Variants in RORC observed in about 807,000 individuals in gnomAD.
RORC encodes RAR related orphan receptor C, also known as nuclear receptor ROR-gamma.
RORC carries 13 observed loss-of-function variants against 64.5 expected under a neutral mutation model. The ratio of observed to expected loss-of-function variants is 0.20; its 90% CI spans 0.13 to 0.32. RORC has a LOEUF of 0.32. Among genes scored for constraint, RORC ranks in the 10% least tolerant of loss-of-function variants. RORC has a pLI of 1.00. For synonymous variants in RORC, 277 were observed against 259.3 expected, an observed-to-expected ratio of 1.07 and a Z score of -0.65; for missense variants, 468 against 669.5, an observed-to-expected ratio of 0.70 and a Z score of 3.32.
rs200482554 is a variant in RORC at position 151,807,499 on chromosome 1, G to C, written c.1530C>G (p.Thr510=). The C allele has an allele frequency of 3.7e-6, 6 of 1,614,076 alleles. No individual in the cohort carries two copies. The highest frequency in any genetic ancestry group is 5.1e-6 in the Non-Finnish European group (6 of 1,180,022). ...ACTTGGACAGCCCCACAGGTGACTC[G>C]GTTTCAGTGCTGAAGAGCTCCTTGT... ...PLYKELFSTE[T]ESPVGLSK The change falls in exon 11 of 11, where the codon ACC becomes ACG. Residue 510 remains threonine (T), a synonymous_variant. Coordinates refer to ENST00000318247, the MANE Select transcript of RORC (RefSeq NM_005060.4). This position sits in a 1 kb window ranked among gnomAD's most constrained non-coding sequence, Gnocchi z 5.0.
intron 10 of RORC, 26 bp downstream of exon 10, chr1:151,811,299 T>C: frequency 6.6e-7 from 1 of 1,514,250 alleles, no homozygotes; most frequent in Non-Finnish European, 9.2e-7. Context: ...GGGCCTGGCC[T>C]CTTCTACCCC....
chr1:151,813,722 A>G, intron 6 of RORC, 102 bp from the exon 7 acceptor site: 1 of 1,320,278 alleles, frequency 7.6e-7, no homozygotes, highest in Middle Eastern at 2.2e-4. Flanking sequence ...GTAGGCTCTG[A>G]ACTCCTATGT....
chr1:151,831,335 G>A (rs1425923532), intron 1 of RORC, among the ~76,000 whole-genome samples: 1 of 152,168 alleles, frequency 6.6e-6, no homozygotes, highest in Non-Finnish European at 1.5e-5. Context: ...GTCCTGGCCA[G>A]ATCAAGGAAG....
rs1224498371 is a variant in RORC at position 151,812,705 on chromosome 1, C to G, written c.1285+242G>C. 1.0e-5 allele frequency: 4 copies of G among 389,808 alleles called. No homozygotes were observed. In the South Asian group the frequency reaches 1.3e-4, roughly 13 times the overall value. 24.1% of individuals were successfully genotyped at this position (389,808 alleles called of 1,614,324 possible). A position where few individuals can be genotyped will look rare whatever the true frequency, so the allele number is the denominator to read the frequency against. Reference sequence around the variant, plus strand: ...TTCTGTCAGGAAAGTGGCTCATTTCCTCTCAACCTCATTTCTCCCCACTTC... The same window carrying G: ...TTCTGTCAGGAAAGTGGCTCATTTCGTCTCAACCTCATTTCTCCCCACTTC... On this transcript the variant is annotated intron_variant, in intron 9 of 10. Coordinates refer to ENST00000318247, the MANE Select transcript of RORC (RefSeq NM_005060.4).
intron 2 of RORC, among the ~76,000 whole-genome samples, chr1:151,825,067 A>G (rs1296551276): frequency 6.6e-6 from 1 of 152,090 alleles, no homozygotes; most frequent in Non-Finnish European, 1.5e-5. Flanking sequence ...CACAACAAAT[A>G]CAGGGGACTT....
At chr1:151,819,218 G>A (rs1254133306) in intron 2 of RORC, among the ~76,000 whole-genome samples, 3 of 152,146 alleles carry the variant, frequency 2.0e-5, no homozygotes, top group African/African-American at 7.2e-5. Context: ...GAAAACGTTG[G>A]GGCCCCCATA....
At chr1:151,825,920 A>G in intron 2 of RORC, 1 of 1,613,760 alleles carries the variant, frequency 6.2e-7, no homozygotes, top group Non-Finnish European at 8.5e-7. Flanking sequence ...AGGTGGCCCC[A>G]TTCACTTACT....
At chr1:151,818,328 G>A (rs1441428270) in intron 2 of RORC, among the ~76,000 whole-genome samples, 10 of 152,132 alleles carry the variant, frequency 6.6e-5, no homozygotes, top group Non-Finnish European at 1.2e-4. Flanking sequence ...TTGCTCCTGC[G>A]TCCACACGTG....
chr1:151,829,101 C>T (rs145919302), intron 2 of RORC, among the ~76,000 whole-genome samples: 7 of 151,846 alleles, frequency 4.6e-5, no homozygotes, highest in Non-Finnish European at 7.4e-5. Flanking sequence ...CTTCCTTCCC[C>T]GGCCTGGCAG....
At position 151,831,188 on chromosome 1, in the gene RORC, C is replaced by T. The variant is rs72692783; in HGVS notation, c.40+537G>A. 0.13 allele frequency: 152,055 copies of T among 1,168,072 alleles called. 10,944 individuals carry two copies. The highest frequency in any genetic ancestry group is 0.26 in the Admixed American group (9,781 of 37,640). 72.4% of individuals were successfully genotyped at this position (1,168,072 alleles called of 1,614,324 possible). ...GAGTGGCGAGGAAAGGACCAGGCTA[C>T]GTGGTCATGGGCAGCTGACAGGGTG... On this transcript the variant is annotated intron_variant, in intron 1 of 10. Coordinates refer to ENST00000318247, the MANE Select transcript of RORC (RefSeq NM_005060.4).
At chr1:151,822,669 G>A (rs1337869894) in intron 2 of RORC, among the ~76,000 whole-genome samples, 2 of 152,188 alleles carry the variant, frequency 1.3e-5, no homozygotes, top group African/African-American at 2.4e-5. Context: ...CTGCCTTCAG[G>A]GCCATCTGTC....
chr1:151,827,883 G>A (rs753058655), intron 2 of RORC, among the ~76,000 whole-genome samples: 1 of 152,046 alleles, frequency 6.6e-6, no homozygotes, highest in Non-Finnish European at 1.5e-5. Context: ...GTAGGAATAG[G>A]GTTTGACCTC....
intron 2 of RORC, among the ~76,000 whole-genome samples, chr1:151,825,668 GGATACCTCA>G (rs1367497961): frequency 3.3e-5 from 5 of 152,118 alleles, no homozygotes; most frequent in South Asian, 2.1e-4. Flanking sequence ...TTAAGGGCCT[GGATACCTCA>G]GATACTTTTG....
In RORC at chr1:151,830,797, A is replaced by G. The variant is rs1486018690; in HGVS notation, c.40+928T>C. ...GACTGCCCCGAGGTGGCAAGGCCCC[A>G]CCCAGCCCCGCCCACCTCCCCTTGC... On this transcript the variant is annotated intron_variant, in intron 1 of 10. Transcript: ENST00000318247. This position sits in a 1 kb window ranked among gnomAD's most constrained non-coding sequence, Gnocchi z 4.0. 1 of 256,086 alleles carries G rather than the reference A, an allele frequency of 3.9e-6. No homozygotes were observed. Among genetic ancestry groups the G allele is most frequent in the African/African-American group, 2.7e-5 (1 of 37,686 alleles). The allele number at this position is 256,086 out of a possible 1,614,324, so 15.9% of individuals were successfully genotyped here.
Position 151,830,844 on chromosome 1 carries a change from T to C in RORC, c.40+881A>G. ...TTGCTCCTGCCTGGCCCCACCCAGC[T>C]TCCTCCCTGACGTGGCACCGGCTCC... On this transcript the variant is annotated intron_variant, in intron 1 of 10. Transcript: ENST00000318247. This position sits in a 1 kb window ranked among gnomAD's most constrained non-coding sequence, Gnocchi z 4.0. The C allele has an allele frequency of 5.6e-6, 4 of 710,708 alleles. No homozygotes were observed. The highest frequency in any genetic ancestry group is 3.8e-6 in the Non-Finnish European group (2 of 522,546). The allele number at this position is 710,708 out of a possible 1,614,324, so 44.0% of individuals were successfully genotyped here.
At chr1:151,815,724 C>T (rs116265797) in intron 4 of RORC, among the ~76,000 whole-genome samples, 1,634 of 152,310 alleles carry the variant, frequency 0.011, 28 homozygotes, top group African/African-American at 0.037. Flanking sequence ...GGGATTCTGG[C>T]CTCCAGATCT....
chr1:151,829,589 C>G (rs1652330723), intron 1 of RORC, 131 bp from the exon 2 acceptor site: 1 of 786,224 alleles, frequency 1.3e-6, no homozygotes, highest in Non-Finnish European at 1.9e-6. Context: ...GCAGGCAGGC[C>G]ACCCCCTGCA....
chr1:151,828,391 G>A (rs1400635357), intron 2 of RORC, among the ~76,000 whole-genome samples: 4 of 152,128 alleles, frequency 2.6e-5, no homozygotes, highest in African/African-American at 9.7e-5. Context: ...GCATTCTCTG[G>A]GGGACTAGCC....
intron 10 of RORC, among the ~76,000 whole-genome samples, chr1:151,810,768 G>A (rs982887687): frequency 2.0e-5 from 3 of 152,092 alleles, no homozygotes; most frequent in Non-Finnish European, 4.4e-5. Context: ...CCTGACCTCA[G>A]GTGATCCACC....
Sources: allele counts gnomAD v4.1 joint callset (sites outside exome capture counted in the v4.1 genomes callset), GRCh38; gene constraint gnomAD v4.1.1; non-coding constraint Gnocchi (gnomAD v3.1); transcripts MANE v1.5; gene names NCBI Gene and HGNC (gene_info 2026-07-23, HGNC 2026-07-21).